Variants in LPAR3 observed in about 807,000 individuals in gnomAD.
The protein encoded by LPAR3 is lysophosphatidic acid receptor 3, also known as LPA receptor 3.
Under a neutral mutation model 17.8 loss-of-function variants are expected in LPAR3, and 7 were observed. The observed-to-expected ratio is 0.39, with a 90% CI of 0.22 to 0.74. The LOEUF is 0.74. Ranked by LOEUF, LPAR3 falls within the 30% of genes least tolerant of loss-of-function variation. The pLI is 0.40. For missense variants in LPAR3, 391 were observed against 453.4 expected, an observed-to-expected ratio of 0.86 and a Z score of 1.25; for synonymous variants, 179 against 179.9, an observed-to-expected ratio of 0.99 and a Z score of 0.04.
chr1:84,813,606 T>C lies in LPAR3; in HGVS notation c.*240A>G. On this transcript the variant is annotated 3_prime_UTR_variant, in exon 3 of 3. Transcript: ENST00000370611. ...TGGACTGACAGGAGCTCTGAGCAGT[T>C]CATAGGACAAGCAGGGACCCGCCGA... 2.1e-6 allele frequency: 1 copy of C among 479,088 alleles called. No homozygotes were observed. Among genetic ancestry groups the C allele is most frequent in the Non-Finnish European group, 3.8e-6 (1 of 266,354 alleles). 29.7% of individuals were successfully genotyped at this position (479,088 alleles called of 1,614,324 possible). A position where few individuals can be genotyped will look rare whatever the true frequency, so the allele number is the denominator to read the frequency against.
intron 2 of LPAR3, among the ~76,000 whole-genome samples, chr1:84,848,087 C>T (rs1659626102): frequency 6.6e-6 from 1 of 152,152 alleles, no homozygotes; most frequent in Non-Finnish European, 1.5e-5. Context: ...GTGAGTCTGC[C>T]CAGATCTAGC....
In LPAR3 at chr1:84,829,608, C is replaced by G. The variant is rs76632792; in HGVS notation, c.737-15437G>C. On this transcript the variant is annotated intron_variant, in intron 2 of 2. Coordinates refer to ENST00000370611, the MANE Select transcript of LPAR3 (RefSeq NM_012152.3). The stretch of plus-strand genomic sequence containing the variant: ...AATGGCATGGGCCTATAGGAACTTA[C>G]AAAAGATCACGTCAGTCAGGCTCAT... Among the ~76,000 whole-genome samples the G allele has an allele frequency of 5.2e-4, 79 of 151,252 alleles. 2 individuals carry two copies. In the East Asian group the frequency reaches 0.015, roughly 29 times the overall value.
chr1:84,843,454 C>T (rs1312804819), intron 2 of LPAR3, among the ~76,000 whole-genome samples: 1 of 152,232 alleles, frequency 6.6e-6, no homozygotes, highest in Non-Finnish European at 1.5e-5. Context: ...CAAGGCAAAG[C>T]AGCAGAAGAA....
At chr1:84,876,306 T>C (rs939021419) in intron 1 of LPAR3, among the ~76,000 whole-genome samples, 1 of 152,194 alleles carries the variant, frequency 6.6e-6, no homozygotes, top group African/African-American at 2.4e-5. Context: ...ATCACATGCA[T>C]CTTCCAGCTC....
rs771041776 is a variant in LPAR3 at position 84,814,016 on chromosome 1, C to T, written c.892G>A (p.Glu298Lys). ...TTCTTCATGGTGCCATACATGTCCT[C>T]GTCCTTGTAGGAGTAGATGATGGGG... is the stretch of plus-strand genomic sequence containing the variant. ...VNPIIYSYKD[E>K]DMYGTMKKMI... Residue 298 changes from glutamate to lysine, a missense_variant, in exon 3 of 3, where the codon GAG (glutamate) becomes AAG (lysine). Glu to Lys is a moderately conservative substitution (Grantham distance 56, BLOSUM62 1). Coordinates refer to ENST00000370611, the MANE Select transcript of LPAR3 (RefSeq NM_012152.3). 3.1e-6 allele frequency: 5 copies of T among 1,614,178 alleles called. No individual in the cohort carries two copies. In the African/African-American group the frequency reaches 4.0e-5, roughly 13 times the overall value.
intron 1 of LPAR3, among the ~76,000 whole-genome samples, chr1:84,878,999 T>C (rs1660310835): frequency 6.6e-6 from 1 of 152,202 alleles, no homozygotes; most frequent in Admixed American, 6.5e-5. Flanking sequence ...GCTCCAAACC[T>C]AGGAATCTGG....
rs184248162 is a variant in LPAR3 at position 84,819,005 on chromosome 1, T to G, written c.737-4834A>C. Among the ~76,000 whole-genome samples the G allele has an allele frequency of 5.4e-3, 823 of 152,266 alleles. 13 individuals carry two copies. The highest frequency in any genetic ancestry group is 0.019 in the African/African-American group (789 of 41,552). On this transcript the variant is annotated intron_variant, in intron 2 of 2. Transcript: ENST00000370611. ...ATTTCCTTTGGTTTCATTTTCCCCC[T>G]TCCACTGGTTTGGAAGTTGTAGACT...
At chr1:84,850,393 CAAAAAA>C (rs561506398) in intron 2 of LPAR3, among the ~76,000 whole-genome samples, 5 of 38,742 alleles carry the variant, frequency 1.3e-4, no homozygotes, top group East Asian at 9.4e-4. Flanking sequence ...TCTGTCTCTA[CAAAAAA>C]AAAAAAAAAA....
At chr1:84,867,131 T>C (rs1032714266) in intron 1 of LPAR3, among the ~76,000 whole-genome samples, 3 of 152,192 alleles carry the variant, frequency 2.0e-5, no homozygotes, top group Non-Finnish European at 4.4e-5. Flanking sequence ...GTAAAAGATC[T>C]CTTGAATCCC....
intron 2 of LPAR3, among the ~76,000 whole-genome samples, chr1:84,859,868 C>A (rs1168661524): frequency 6.6e-6 from 1 of 152,230 alleles, no homozygotes; most frequent in Non-Finnish European, 1.5e-5. Context: ...TCTGTGTGCA[C>A]AGTTCACATG....
chr1:84,890,949 C>A (rs1441245853), intron 1 of LPAR3, among the ~76,000 whole-genome samples: 1 of 152,124 alleles, frequency 6.6e-6, no homozygotes, highest in African/African-American at 2.4e-5. Context: ...GCTGTGTGTG[C>A]ATTTCTTCCA....
intron 2 of LPAR3, among the ~76,000 whole-genome samples, chr1:84,818,928 G>C (rs370120457): frequency 2.1e-4 from 32 of 151,936 alleles, no homozygotes; most frequent in African/African-American, 7.2e-4. Flanking sequence ...TTTTTTCTAT[G>C]TTTCGCTTTT....
intron 2 of LPAR3, among the ~76,000 whole-genome samples, chr1:84,816,112 G>T (rs1279477133): frequency 6.6e-6 from 1 of 152,166 alleles, no homozygotes; most frequent in Non-Finnish European, 1.5e-5. Context: ...GTCAGAACTT[G>T]TTAGTGGGTG....
At chr1:84,839,430 T>C (rs1570872965) in intron 2 of LPAR3, among the ~76,000 whole-genome samples, 1 of 152,158 alleles carries the variant, frequency 6.6e-6, no homozygotes, top group East Asian at 1.9e-4. Context: ...TCCCAGCACT[T>C]TGTGAAGCCA....
At chr1:84,888,552 T>C (rs1250912957) in intron 1 of LPAR3, among the ~76,000 whole-genome samples, 1 of 152,240 alleles carries the variant, frequency 6.6e-6, no homozygotes, top group Non-Finnish European at 1.5e-5. Context: ...TTACATGGTC[T>C]GAGTCTGTCT....
At chr1:84,835,041 TC>T (rs1659367435) in intron 2 of LPAR3, among the ~76,000 whole-genome samples, 2 of 152,184 alleles carry the variant, frequency 1.3e-5, no homozygotes, top group African/African-American at 4.8e-5. Context: ...AGGTAACAAT[TC>T]TTAAAATGTT....
chr1:84,876,810 T>C (rs967676877), intron 1 of LPAR3, among the ~76,000 whole-genome samples: 4 of 152,212 alleles, frequency 2.6e-5, no homozygotes, highest in Non-Finnish European at 4.4e-5. Flanking sequence ...AGTACACTTT[T>C]CCTAATTATA....
intron 2 of LPAR3, among the ~76,000 whole-genome samples, chr1:84,830,557 A>G (rs761353926): frequency 6.6e-5 from 10 of 152,178 alleles, no homozygotes; most frequent in Non-Finnish European, 1.3e-4. Context: ...GTCAAATCAG[A>G]TACCATCAGT....
At chr1:84,881,434 G>T (rs1419551088) in intron 1 of LPAR3, among the ~76,000 whole-genome samples, 2 of 152,228 alleles carry the variant, frequency 1.3e-5, no homozygotes, top group Admixed American at 1.3e-4. Flanking sequence ...TTAAGGAAAT[G>T]CTTAGTACAC....
Sources: allele counts gnomAD v4.1 joint callset (sites outside exome capture counted in the v4.1 genomes callset), GRCh38; gene constraint gnomAD v4.1.1; transcripts MANE v1.5; gene names NCBI Gene and HGNC (gene_info 2026-07-23, HGNC 2026-07-21).